ACRBP: variants seen among roughly 807,000 people sequenced by gnomAD.
ACRBP encodes acrosin-binding protein.
A neutral mutation model predicts 69.0 loss-of-function variants in ACRBP; 52 were observed. That is an observed-to-expected ratio of 0.75 (90% CI 0.60 to 0.95). The LOEUF is 0.95. ACRBP is among the 40% of genes least tolerant of loss of function. ACRBP has a pLI of 0.00. For synonymous variants in ACRBP, 267 were observed against 258.9 expected (o/e 1.03, Z -0.30); for missense variants, 604 against 673.0 (o/e 0.90, Z 1.13).
intron 6 of ACRBP, among the ~76,000 whole-genome samples, chr12:6,641,315 C>G (rs1294750086): frequency 2.0e-5 from 3 of 152,214 alleles, no homozygotes; most frequent in African/African-American, 7.2e-5. Context: ...CCTCCTTCCT[C>G]CCCCATGGGC....
At chr12:6,645,124 C>T in intron 4 of ACRBP, 96 bp downstream of exon 4, 3 of 989,488 alleles carry the variant, frequency 3.0e-6, no homozygotes, top group Non-Finnish European at 4.6e-6. Context: ...TCCCGCCCAA[C>T]ATGCTTCCCA....
At position 6,643,618 on chromosome 12, in the gene ACRBP, A is replaced by G. The variant is rs1949068249; in HGVS notation, c.998T>C (p.Val333Ala). The G allele has an allele frequency of 1.9e-6, 3 of 1,614,132 alleles. No homozygotes were observed. The highest frequency in any genetic ancestry group is 2.5e-6 in the Non-Finnish European group (3 of 1,180,012). Residue 333 changes from valine to alanine, a missense_variant, in exon 6 of 10, where the codon GTG (valine) becomes GCG (alanine). By Grantham distance (64) the Val-to-Ala change is moderately conservative. Transcript: ENST00000229243. ...EALLVLCYSI[V>A]ENTCIITPTA... is the part of the protein sequence containing the mutation. Reference sequence around the variant, plus strand: ...GGGGGTTATGATGCAGGTATTCTCCACGATCGAATAGCACAGCACCAGCAA... The same window carrying G: ...GGGGGTTATGATGCAGGTATTCTCCGCGATCGAATAGCACAGCACCAGCAA...
intron 9 of ACRBP, 107 bp from the exon 10 acceptor site, chr12:6,638,511 G>C: frequency 6.8e-7 from 1 of 1,476,570 alleles, no homozygotes; most frequent in Non-Finnish European, 9.3e-7. Context: ...GGGCAGGCAT[G>C]GGCACAGGGC....
At chr12:6,646,679 C>A in intron 2 of ACRBP, 102 bp from the exon 3 acceptor site, 1 of 1,515,556 alleles carries the variant, frequency 6.6e-7, no homozygotes, top group Non-Finnish European at 9.1e-7. Flanking sequence ...AGTACGAGCT[C>A]ATGGTGTGGT....
Position 6,647,423 on chromosome 12 carries a change from C to A in ACRBP, c.-57G>T. ...CACAAGCCGCCTCTAACGGGCCAAG[C>A]CGCAGAGAGAGCCGCAGGCGCGGGG... On this transcript the variant is annotated 5_prime_UTR_variant, in exon 1 of 10. Transcript: ENST00000229243. 1 of 1,463,780 alleles carries A rather than the reference C, an allele frequency of 6.8e-7. No homozygotes were observed. The highest frequency in any genetic ancestry group is 9.1e-7 in the Non-Finnish European group (1 of 1,099,364). The allele number at this position is 1,463,780 out of a possible 1,614,324, so 90.7% of individuals were successfully genotyped here. A position where few individuals can be genotyped will look rare whatever the true frequency, so the allele number is the denominator to read the frequency against.
chr12:6,640,548 G>A lies in ACRBP; in HGVS notation c.1078-26C>T, dbSNP rs780752478. The stretch of plus-strand genomic sequence containing the variant: ...CTGGGGCAGGGGAATGGGTGAGGCT[G>A]AAGCTGAGAGTCAGCGGCCTGCCTT... On this transcript the variant is annotated intron_variant, in intron 6 of 9. Coordinates refer to ENST00000229243, the MANE Select transcript of ACRBP (RefSeq NM_032489.3). The surrounding 1 kb of genome is among the most constrained non-coding windows in gnomAD (Gnocchi z 5.3). 2.5e-6 allele frequency: 4 copies of A among 1,604,778 alleles called. No homozygotes were observed. In the African/African-American group the frequency reaches 4.0e-5, roughly 16 times the overall value.
At chr12:6,646,618 G>C in intron 2 of ACRBP, 41 bp from the exon 3 acceptor site, 1 of 1,589,176 alleles carries the variant, frequency 6.3e-7, no homozygotes, top group Non-Finnish European at 8.6e-7. Context: ...CCCGTGGGGA[G>C]CTTGGGGTGG....
In ACRBP at chr12:6,646,957, A is replaced by G; in HGVS notation, c.99T>C (p.Thr33=). The change falls in exon 2 of 10, where the codon ACT becomes ACC. Residue 33 remains threonine, a synonymous_variant. Transcript: ENST00000229243. ...AAAQDSTQAS[T]PGSPLSPTEY... Reference sequence around the variant, plus strand: ...CGGTAGGAGAGAGAGGGCTGCCTGGAGTGGAGGCCTGAGTCGAATCCTGGG... The same window carrying G: ...CGGTAGGAGAGAGAGGGCTGCCTGGGGTGGAGGCCTGAGTCGAATCCTGGG... The G allele has an allele frequency of 6.2e-7, 1 of 1,613,366 alleles. No individual in the cohort carries two copies. Among genetic ancestry groups the G allele is most frequent in the Non-Finnish European group, 8.5e-7 (1 of 1,180,000 alleles).
In ACRBP at chr12:6,640,292, C is replaced by A. The variant is rs1165304655; in HGVS notation, c.1257+51G>T. On this transcript the variant is annotated intron_variant, in intron 7 of 9. Transcript: ENST00000229243. This position sits in a 1 kb window ranked among gnomAD's most constrained non-coding sequence, Gnocchi z 5.3. Reference sequence around the variant, plus strand: ...CCACCTGCTGGCCACCACCACCCCACCCCTGCCACCCAGTTCTGCCTTTCC... The same window carrying A: ...CCACCTGCTGGCCACCACCACCCCAACCCTGCCACCCAGTTCTGCCTTTCC... 1 of 1,612,560 alleles carries A rather than the reference C, an allele frequency of 6.2e-7. No individual in the cohort carries two copies. The highest frequency in any genetic ancestry group is 8.5e-7 in the Non-Finnish European group (1 of 1,178,904).
chr12:6,639,912 G>T, intron 8 of ACRBP, 148 bp downstream of exon 8: 4 of 958,790 alleles, frequency 4.2e-6, no homozygotes, highest in South Asian at 1.7e-5. Context: ...ATGGTCTCTT[G>T]GAGAGAGGCA....
intron 8 of ACRBP, 124 bp from the exon 9 acceptor site, chr12:6,639,161 A>G (rs1456240226): frequency 3.7e-6 from 3 of 812,786 alleles, no homozygotes; most frequent in Non-Finnish European, 6.0e-6. Flanking sequence ...GGTCTTCCAC[A>G]CACAGGCGGC....
intron 5 of ACRBP, 58 bp downstream of exon 5, chr12:6,644,079 C>T (rs547236146): frequency 6.6e-7 from 1 of 1,522,794 alleles, no homozygotes; most frequent in Non-Finnish European, 8.8e-7. Context: ...GGGCTTCTCA[C>T]TCCCAAGAAA....
At chr12:6,642,667 T>C (rs539869378) in intron 6 of ACRBP, among the ~76,000 whole-genome samples, 35 of 152,348 alleles carry the variant, frequency 2.3e-4, no homozygotes, top group African/African-American at 7.5e-4. Flanking sequence ...ATAGGACAAG[T>C]ATGCTCTACC....
At chr12:6,639,798 G>A (rs1362462991) in intron 8 of ACRBP, among the ~76,000 whole-genome samples, 1 of 152,216 alleles carries the variant, frequency 6.6e-6, no homozygotes, top group African/African-American at 2.4e-5. Flanking sequence ...CACCCAGCAA[G>A]TAACTGGCAG....
chr12:6,638,676 G>C (rs867832730), intron 9 of ACRBP: 2 of 1,415,732 alleles, frequency 1.4e-6, no homozygotes, highest in Non-Finnish European at 1.8e-6. Context: ...GAGACAGACC[G>C]AGACCTCAAC....
At chr12:6,642,171 C>G (rs1316147698) in intron 6 of ACRBP, among the ~76,000 whole-genome samples, 1 of 152,192 alleles carries the variant, frequency 6.6e-6, no homozygotes, top group African/African-American at 2.4e-5. Flanking sequence ...CTCTCCTGCC[C>G]TAGATTCCAA....
intron 8 of ACRBP, among the ~76,000 whole-genome samples, chr12:6,639,418 T>C (rs980998154): frequency 6.6e-6 from 1 of 152,186 alleles, no homozygotes; most frequent in Non-Finnish European, 1.5e-5. Flanking sequence ...AGTCACTGCC[T>C]TCTTTGGACC....
chr12:6,638,680 C>T (rs770137030), intron 9 of ACRBP: 55 of 1,418,888 alleles, frequency 3.9e-5, no homozygotes, highest in Non-Finnish European at 4.9e-5. Flanking sequence ...CAGACCGAGA[C>T]CTCAACGTCC....
At chr12:6,639,078 C>A in intron 8 of ACRBP, 41 bp from the exon 9 acceptor site, 1 of 1,564,008 alleles carries the variant, frequency 6.4e-7, no homozygotes, top group Non-Finnish European at 8.8e-7. Flanking sequence ...GTATCAGAAG[C>A]CTCACCAGGC....
Sources: gnomAD v4.1 joint callset for allele counts (sites outside exome capture counted in the v4.1 genomes callset) on GRCh38, gnomAD v4.1.1 for gene constraint, Gnocchi (gnomAD v3.1) non-coding constraint, MANE v1.5 for transcripts, NCBI Gene and HGNC (gene_info 2026-07-23, HGNC 2026-07-21) for gene names.